HSD17B4: variants seen among roughly 807,000 people sequenced by gnomAD.
HSD17B4 encodes hydroxysteroid 17-beta dehydrogenase 4, also known as peroxisomal multifunctional enzyme type 2.
Under a neutral mutation model 101.0 loss-of-function variants are expected in HSD17B4, and 70 were observed. The ratio of observed to expected loss-of-function variants is 0.69; its 90% CI spans 0.57 to 0.85. The LOEUF is 0.85. Ranked by LOEUF, HSD17B4 falls within the 40% of genes least tolerant of loss-of-function variation. The probability of loss-of-function intolerance (pLI) is 0.00; values close to 1 mark genes in which losing one functional copy is unlikely to be tolerated. For synonymous variants in HSD17B4, 347 were observed against 297.1 expected, an observed-to-expected ratio of 1.17 and a Z score of -1.73; for missense variants, 984 against 892.4, an observed-to-expected ratio of 1.10 and a Z score of -1.31.
intron 17 of HSD17B4, among the ~76,000 whole-genome samples, chr5:119,517,665 C>G (rs161855): frequency 0.27 from 40,455 of 152,088 alleles, 6,721 homozygotes; most frequent in East Asian, 0.4. Context: ...ACACACCAGT[C>G]AGCACCCTGT....
chr5:119,501,976 T>C lies in HSD17B4; in HGVS notation c.1210-65T>C, dbSNP rs185291937. ...GTAAAATGTCACTTGCGAGTAACAG[T>C]ATCCATAGGCAGAACCTGTGGAGCA... On this transcript the variant is annotated intron_variant, in intron 13 of 23. Transcript: ENST00000510025. The C allele has an allele frequency of 5.4e-6, 5 of 921,588 alleles. No individual in the cohort carries two copies. In the East Asian group the frequency reaches 9.6e-5, roughly 18 times the overall value. 57.1% of individuals were successfully genotyped at this position (921,588 alleles called of 1,614,324 possible).
intron 23 of HSD17B4, among the ~76,000 whole-genome samples, chr5:119,538,156 C>T (rs542839086): frequency 3.3e-5 from 5 of 152,248 alleles, no homozygotes; most frequent in African/African-American, 1.2e-4. Context: ...ATTTTTCTCC[C>T]CCAGTCTCTT....
intron 2 of HSD17B4, among the ~76,000 whole-genome samples, chr5:119,471,398 A>C (rs1454176018): frequency 1.3e-5 from 2 of 152,174 alleles, no homozygotes; most frequent in African/African-American, 2.4e-5. Context: ...TCCTGTTTTT[A>C]AAAAGTTAAG....
At position 119,454,864 on chromosome 5, in the gene HSD17B4, C is replaced by T. The variant is rs983741795; in HGVS notation, c.59-1451C>T. 3.9e-5 allele frequency among the ~76,000 whole-genome samples: 6 copies of T among 152,060 alleles called. No individual in the cohort carries two copies. In the East Asian group the frequency reaches 5.8e-4, roughly 15 times the overall value. On this transcript the variant is annotated intron_variant, in intron 1 of 23. Transcript: ENST00000510025. ...CTTGAACTCCAGACCTCAAATGATC[C>T]GCCCACCTCTGTCTCATAAAGTGTT...
Position 119,496,612 on chromosome 5 carries a change from C to T in HSD17B4, c.938C>T (p.Thr313Ile). 6.2e-7 allele frequency: 1 copy of T among 1,605,246 alleles called. No individual in the cohort carries two copies. The highest frequency in any genetic ancestry group is 1.1e-5 in the South Asian group (1 of 90,928). Reference sequence around the variant, plus strand: ...GAAGGAGGAGTTTCAGCAAATCATACTAGTCGTGCAACGTCTACAGCAACA... The same window carrying T: ...GAAGGAGGAGTTTCAGCAAATCATATTAGTCGTGCAACGTCTACAGCAACA... ...DSEGGVSANH[T>I]SRATSTATSG... is the part of the protein sequence containing the mutation. Residue 313 changes from threonine (T) to isoleucine (I), a missense_variant, in exon 12 of 24, where the codon ACT becomes ATT. Coordinates refer to ENST00000510025, the MANE Select transcript of HSD17B4 (RefSeq NM_000414.4).
chr5:119,511,980 G>A (rs963660013), intron 16 of HSD17B4, among the ~76,000 whole-genome samples: 5 of 152,156 alleles, frequency 3.3e-5, no homozygotes, highest in Non-Finnish European at 7.4e-5. Flanking sequence ...AGAACTAAAG[G>A]AAACCATGCT....
rs985671987 is a variant in HSD17B4 at position 119,499,743 on chromosome 5, C to T, written c.1209+190C>T. The T allele has an allele frequency of 2.7e-4, 100 of 375,508 alleles. 6 individuals carry two copies. Among genetic ancestry groups the T allele is most frequent in the Non-Finnish European group, 4.2e-5 (9 of 216,018 alleles). The allele number at this position is 375,508 out of a possible 1,614,324, so 23.3% of individuals were successfully genotyped here. A position where few individuals can be genotyped will look rare whatever the true frequency, so the allele number is the denominator to read the frequency against. On this transcript the variant is annotated intron_variant, in intron 13 of 23. Coordinates refer to ENST00000510025, the MANE Select transcript of HSD17B4 (RefSeq NM_000414.4). Reference sequence around the variant, plus strand: ...AAGAGGGGAGAGTTAGTTCAAAATGCCAGCAAAAAGAAGAAAATAACAAGT... The same window carrying T: ...AAGAGGGGAGAGTTAGTTCAAAATGTCAGCAAAAAGAAGAAAATAACAAGT...
chr5:119,509,540 T>C, intron 16 of HSD17B4: 1 of 469,868 alleles, frequency 2.1e-6, no homozygotes, highest in South Asian at 2.0e-5. Context: ...ATTTTATTTT[T>C]CCTAGTTTCT....
chr5:119,531,317 A>G lies in HSD17B4; in HGVS notation c.1906A>G (p.Lys636Glu). ...ATTTGAGGAAATAGGACGCCGCCTA[A>G]AGGATATTGGGCCTGAGGTGGTGAA... Reference protein sequence around the residue: ...FVFEEIGRRLKDIGPEVVKKV... With the variant: ...FVFEEIGRRLEDIGPEVVKKV... Residue 636 changes from lysine (K) to glutamate (E), a missense_variant, in exon 22 of 24, where the codon AAG becomes GAG. Physicochemically the swap from Lys to Glu is moderately conservative, Grantham distance 56. Coordinates refer to ENST00000510025, the MANE Select transcript of HSD17B4 (RefSeq NM_000414.4). 6.2e-7 allele frequency: 1 copy of G among 1,613,632 alleles called. No homozygotes were observed. Among genetic ancestry groups the G allele is most frequent in the Non-Finnish European group, 8.5e-7 (1 of 1,179,690 alleles).
chr5:119,501,984 G>A lies in HSD17B4; in HGVS notation c.1210-57G>A, dbSNP rs111676146. ...TCACTTGCGAGTAACAGTATCCATAGGCAGAACCTGTGGAGCAAGAAAGTT... is the reference window on the plus strand; with the variant it reads ...TCACTTGCGAGTAACAGTATCCATAAGCAGAACCTGTGGAGCAAGAAAGTT... On this transcript the variant is annotated intron_variant, in intron 13 of 23. Transcript: ENST00000510025. The A allele has an allele frequency of 2.9e-4, 300 of 1,046,400 alleles. 2 individuals carry two copies. In the African/African-American group the frequency reaches 3.6e-3, roughly 13 times the overall value. The allele number at this position is 1,046,400 out of a possible 1,614,324, so 64.8% of individuals were successfully genotyped here. A position where few individuals can be genotyped will look rare whatever the true frequency, so the allele number is the denominator to read the frequency against.
At chr5:119,521,090 C>G (rs1334620827) in intron 17 of HSD17B4, among the ~76,000 whole-genome samples, 1 of 152,180 alleles carries the variant, frequency 6.6e-6, no homozygotes, top group Non-Finnish European at 1.5e-5. Context: ...GAAGGTTTCC[C>G]AAGAACGGCT....
chr5:119,505,840 C>T (rs904088277), intron 14 of HSD17B4, among the ~76,000 whole-genome samples: 2 of 151,554 alleles, frequency 1.3e-5, no homozygotes, highest in African/African-American at 4.9e-5. Context: ...TGGTTGTATG[C>T]TCAACAAATG....
At chr5:119,512,421 G>A (rs774847581) in intron 16 of HSD17B4, among the ~76,000 whole-genome samples, 1 of 151,962 alleles carries the variant, frequency 6.6e-6, no homozygotes, top group East Asian at 1.9e-4. Context: ...AGCCAGAAAC[G>A]AAAAGGTTGA....
intron 8 of HSD17B4, among the ~76,000 whole-genome samples, chr5:119,479,697 T>C (rs1193821036): frequency 2.6e-5 from 4 of 152,212 alleles, no homozygotes; most frequent in African/African-American, 9.6e-5. Flanking sequence ...TTCAGTAATA[T>C]TCCGTGGTAT....
chr5:119,466,313 ACCT>A (rs1187277093), intron 2 of HSD17B4, among the ~76,000 whole-genome samples: 1 of 152,164 alleles, frequency 6.6e-6, no homozygotes, highest in African/African-American at 2.4e-5. Flanking sequence ...TATAATGCCC[ACCT>A]CATAGAATGA....
At position 119,515,027 on chromosome 5, in the gene HSD17B4, A is replaced by C; in HGVS notation, c.1484A>C (p.Asp495Ala). 6.3e-7 allele frequency: 1 copy of C among 1,583,458 alleles called. No individual in the cohort carries two copies. ...AGACCTCCTGATGCTGTACTTACAGATACCACCTCTCTTAATCAGGTAAGA... is the reference window on the plus strand; with the variant it reads ...AGACCTCCTGATGCTGTACTTACAGCTACCACCTCTCTTAATCAGGTAAGA... Reference protein sequence around the residue: ...PNRPPDAVLTDTTSLNQAALY... With the variant: ...PNRPPDAVLTATTSLNQAALY... The change falls in exon 17 of 24, where the codon GAT (aspartate) becomes GCT (alanine). Residue 495 changes from aspartate to alanine, a missense_variant. Transcript: ENST00000510025.
chr5:119,537,610 G>T (rs528980623), intron 23 of HSD17B4, among the ~76,000 whole-genome samples: 19 of 152,256 alleles, frequency 1.2e-4, no homozygotes, highest in African/African-American at 4.3e-4. Flanking sequence ...AGTTAGAGAA[G>T]AGTAAGCCTG....
Position 119,542,285 on chromosome 5 carries a change from T to G in HSD17B4, c.*291T>G, listed in dbSNP as rs1340582923. On this transcript the variant is annotated 3_prime_UTR_variant, in exon 24 of 24. Transcript: ENST00000510025. The stretch of plus-strand genomic sequence containing the variant: ...GTTTCCTTAGAATTTGTGATAGCAT[T>G]GATAAGTTGAAAGGAAAATTAAATC... 3 of 261,888 alleles carry G rather than the reference T, an allele frequency of 1.1e-5. No homozygotes were observed. The highest frequency in any genetic ancestry group is 2.2e-5 in the Non-Finnish European group (3 of 136,714). The allele number at this position is 261,888 out of a possible 1,614,324, so 16.2% of individuals were successfully genotyped here.
chr5:119,539,239 T>C (rs1266677308), intron 23 of HSD17B4, among the ~76,000 whole-genome samples: 1 of 152,082 alleles, frequency 6.6e-6, no homozygotes, highest in Non-Finnish European at 1.5e-5. Flanking sequence ...ATACACACCA[T>C]AGAATACTAT....
Sources: allele counts gnomAD v4.1 joint callset (sites outside exome capture counted in the v4.1 genomes callset), GRCh38; gene constraint gnomAD v4.1.1; transcripts MANE v1.5; gene names NCBI Gene and HGNC (gene_info 2026-07-23, HGNC 2026-07-21).